Variants in ALCAM observed in about 807,000 individuals in gnomAD.
ALCAM encodes the protein activated leukocyte cell adhesion molecule.
In ALCAM, 30 loss-of-function variants were observed where a neutral mutation model predicts 70.9. That is an observed-to-expected ratio of 0.42 (90% CI 0.32 to 0.57). The LOEUF (loss-of-function observed/expected upper bound fraction) is 0.57, where lower values mean the gene tolerates loss of function less well. Ranked by LOEUF, ALCAM falls within the 20% of genes least tolerant of loss-of-function variation. ALCAM has a pLI of 0.11. For missense variants in ALCAM, 591 were observed against 695.1 expected (o/e 0.85, Z 1.68); for synonymous variants, 249 against 242.5 (o/e 1.03, Z -0.25).
chr3:105,539,669 C>T (rs1940067251), intron 6 of ALCAM, among the ~76,000 whole-genome samples: 3 of 151,938 alleles, frequency 2.0e-5, no homozygotes, highest in Admixed American at 2.0e-4. Flanking sequence ...TAAAGCCATG[C>T]AGTTTGATTG....
chr3:105,496,404 T>G (rs892009268), intron 1 of ALCAM, among the ~76,000 whole-genome samples: 1 of 152,146 alleles, frequency 6.6e-6, no homozygotes, highest in Non-Finnish European at 1.5e-5. Context: ...GCTTCTTATT[T>G]TGTAGTGTGC....
rs187518074 is a variant in ALCAM at position 105,368,101 on chromosome 3, G to A, written c.73+620G>A. On this transcript the variant is annotated intron_variant, in intron 1 of 15. Transcript: ENST00000306107. ...GTGGTGAGTGAAAGGGTGACCGCAG[G>A]CAGATAACACAGCCAGAACAGGAAT... Among the ~76,000 whole-genome samples the A allele has an allele frequency of 4.5e-4, 69 of 152,004 alleles. 1 individual carries two copies. Among genetic ancestry groups the A allele is most frequent in the Admixed American group, 2.6e-3 (40 of 15,270 alleles).
At chr3:105,424,537 T>G (rs1384577173) in intron 1 of ALCAM, among the ~76,000 whole-genome samples, 1 of 151,674 alleles carries the variant, frequency 6.6e-6, no homozygotes, top group Admixed American at 6.6e-5. Flanking sequence ...GAGTTGTGGG[T>G]AGGTAATGTT....
intron 1 of ALCAM, 104 bp from the exon 2 acceptor site, chr3:105,519,963 C>T (rs1293612440): frequency 3.1e-6 from 2 of 647,622 alleles, no homozygotes; most frequent in East Asian, 2.8e-5. Flanking sequence ...AGATGACAAC[C>T]TTCATCGACA....
chr3:105,476,224 C>G (rs757361380), intron 1 of ALCAM, among the ~76,000 whole-genome samples: 1 of 152,034 alleles, frequency 6.6e-6, no homozygotes, highest in Non-Finnish European at 1.5e-5. Context: ...GTTTCCTTTG[C>G]TGCTCACTCA....
At chr3:105,457,924 CTGAA>C (rs974856936) in intron 1 of ALCAM, among the ~76,000 whole-genome samples, 2 of 152,136 alleles carry the variant, frequency 1.3e-5, no homozygotes, top group African/African-American at 4.8e-5. Context: ...CATCCGTATC[CTGAA>C]TGTTTAGTTA....
intron 15 of ALCAM, among the ~76,000 whole-genome samples, chr3:105,572,333 G>A (rs1940876238): frequency 6.6e-6 from 1 of 152,020 alleles, no homozygotes. Context: ...AACATGCAAT[G>A]TTGAGTTTTC....
chr3:105,442,719 T>G lies in ALCAM; in HGVS notation c.73+75238T>G, dbSNP rs182259035. Among the ~76,000 whole-genome samples, 3 of 151,806 alleles carry G rather than the reference T, an allele frequency of 2.0e-5. No individual in the cohort carries two copies. In the East Asian group the frequency reaches 5.8e-4, roughly 29 times the overall value. Reference sequence around the variant, plus strand: ...TGATGTGAACCCGGGAGGCGGAGCTTGCAGTGAGCCGAGATCGCACCACTG... The same window carrying G: ...TGATGTGAACCCGGGAGGCGGAGCTGGCAGTGAGCCGAGATCGCACCACTG... On this transcript the variant is annotated intron_variant, in intron 1 of 15. Coordinates refer to ENST00000306107, the MANE Select transcript of ALCAM (RefSeq NM_001627.4).
At chr3:105,417,275 TA>T (rs1936529604) in intron 1 of ALCAM, among the ~76,000 whole-genome samples, 1 of 151,902 alleles carries the variant, frequency 6.6e-6, no homozygotes, top group South Asian at 2.1e-4. Context: ...ACTGCTGACT[TA>T]TTAAAATTTC....
At chr3:105,549,061 C>T (rs1003423209) in intron 11 of ALCAM, among the ~76,000 whole-genome samples, 1 of 151,070 alleles carries the variant, frequency 6.6e-6, no homozygotes, top group African/African-American at 2.4e-5. Flanking sequence ...ACAAAGATTC[C>T]GTGAGAAAGT....
intron 1 of ALCAM, among the ~76,000 whole-genome samples, chr3:105,372,797 T>C (rs1480711963): frequency 2.6e-5 from 4 of 152,150 alleles, no homozygotes; most frequent in Non-Finnish European, 5.9e-5. Context: ...TCTGTATCAC[T>C]TAAGGAACTG....
intron 14 of ALCAM, among the ~76,000 whole-genome samples, chr3:105,566,596 C>T (rs1361461639): frequency 6.6e-6 from 1 of 152,056 alleles, no homozygotes; most frequent in African/African-American, 2.4e-5. Context: ...TTTAACTATA[C>T]CTCTTTGTGT....
At chr3:105,542,372 C>T (rs977710722) in intron 8 of ALCAM, among the ~76,000 whole-genome samples, 10 of 151,722 alleles carry the variant, frequency 6.6e-5, no homozygotes, top group East Asian at 1.9e-4. Flanking sequence ...ATATTTGCCT[C>T]GGTGTAACAG....
rs137995067 is a variant in ALCAM at position 105,392,060 on chromosome 3, G to T, written c.73+24579G>T. Among the ~76,000 whole-genome samples, 17 of 151,892 alleles carry T rather than the reference G, an allele frequency of 1.1e-4. No homozygotes were observed. The East Asian group carries it at 2.9e-3, about 26-fold the overall frequency. ...CTCTTTTGTATTTCTGCCAGGTTTTGGTATCACGATAATGCTGGTCTCACA... is the reference window on the plus strand; with the variant it reads ...CTCTTTTGTATTTCTGCCAGGTTTTTGTATCACGATAATGCTGGTCTCACA... On this transcript the variant is annotated intron_variant, in intron 1 of 15. Coordinates refer to ENST00000306107, the MANE Select transcript of ALCAM (RefSeq NM_001627.4).
At chr3:105,524,733 C>T in intron 3 of ALCAM, 1 of 1,287,948 alleles carries the variant, frequency 7.8e-7, no homozygotes, top group Non-Finnish European at 9.9e-7. Context: ...ATAATATTCT[C>T]TGTTACTTTG....
At chr3:105,395,336 A>G (rs1468737690) in intron 1 of ALCAM, among the ~76,000 whole-genome samples, 3 of 151,982 alleles carry the variant, frequency 2.0e-5, no homozygotes, top group African/African-American at 7.2e-5. Flanking sequence ...TATAAAGTAT[A>G]ATATGAAGAT....
chr3:105,535,084 C>T (rs900222395), intron 6 of ALCAM, among the ~76,000 whole-genome samples: 1 of 152,044 alleles, frequency 6.6e-6, no homozygotes, highest in African/African-American at 2.4e-5. Flanking sequence ...CTTCTGAATT[C>T]CACTACACAC....
intron 1 of ALCAM, among the ~76,000 whole-genome samples, chr3:105,445,212 G>A (rs757516393): frequency 8.6e-5 from 13 of 151,944 alleles, no homozygotes; most frequent in Non-Finnish European, 1.6e-4. Flanking sequence ...AAAATAATCC[G>A]ATTTACAATA....
chr3:105,451,726 T>A (rs1576171756), intron 1 of ALCAM, among the ~76,000 whole-genome samples: 1 of 152,246 alleles, frequency 6.6e-6, no homozygotes, highest in East Asian at 1.9e-4. Context: ...ACTGGTTTGA[T>A]CTATGAAGAG....
Sources: allele counts gnomAD v4.1 joint callset (sites outside exome capture counted in the v4.1 genomes callset), GRCh38; gene constraint gnomAD v4.1.1; transcripts MANE v1.5; gene names NCBI Gene and HGNC (gene_info 2026-07-23, HGNC 2026-07-21).